The following NFRKB variants were observed in gnomAD, a reference collection of about 807,000 sequenced individuals.
NFRKB encodes the protein nuclear factor related to kappaB binding protein, also known as nuclear factor related to kappa-B-binding protein.
NFRKB carries 62 observed loss-of-function variants against 135.7 expected under a neutral mutation model. That is an observed-to-expected ratio of 0.46 (90% CI 0.37 to 0.56). The LOEUF is 0.56. Ranked by LOEUF, NFRKB falls within the 20% of genes least tolerant of loss-of-function variation. The probability of loss-of-function intolerance (pLI) is 0.00; values close to 1 mark genes in which losing one functional copy is unlikely to be tolerated. For synonymous variants in NFRKB, 678 were observed against 635.6 expected (o/e 1.07, Z -1.00); for missense variants, 1,545 against 1,662.0 (o/e 0.93, Z 1.22).
At chr11:129,870,320 A>G in intron 23 of NFRKB, 59 bp from the exon 24 acceptor site, 3 of 1,529,468 alleles carry the variant, frequency 2.0e-6, no homozygotes, top group Non-Finnish European at 2.6e-6. Context: ...GTTACAAAAT[A>G]CAACTAGACA....
At chr11:129,891,202 GA>G (rs1246774963) in intron 3 of NFRKB, among the ~76,000 whole-genome samples, 2 of 151,730 alleles carry the variant, frequency 1.3e-5, no homozygotes, top group African/African-American at 2.4e-5. Context: ...TGCCATGACT[GA>G]AAAAAGCCAG....
At position 129,878,532 on chromosome 11, in the gene NFRKB, C is replaced by A; in HGVS notation, c.1396G>T (p.Asp466Tyr). The change falls in exon 14 of 27, where the codon GAT becomes TAT. Residue 466 changes from aspartate to tyrosine, a missense_variant. Coordinates refer to ENST00000682444, the MANE Select transcript of NFRKB (RefSeq NM_001143835.2). Reference protein sequence around the residue: ...QQWKLLGQSQDNEKELAALFQ... With the variant: ...QQWKLLGQSQYNEKELAALFQ... The stretch of plus-strand genomic sequence containing the variant: ...AGGGCAGCTAATTCCTTTTCATTAT[C>A]TTGGGATTGGCCTATTAGAGGAATA... The A allele has an allele frequency of 1.9e-6, 3 of 1,613,914 alleles. No individual in the cohort carries two copies. Among genetic ancestry groups the A allele is most frequent in the African/African-American group, 1.3e-5 (1 of 75,020 alleles).
chr11:129,868,021 T>A (rs182884454), intron 24 of NFRKB, among the ~76,000 whole-genome samples: 4,200 of 152,086 alleles, frequency 0.028, 91 homozygotes, highest in Non-Finnish European at 0.041. Flanking sequence ...TTTTTTTTTT[T>A]AAAACTCAAG....
In NFRKB at chr11:129,874,113, C is replaced by T. The variant is rs751027087; in HGVS notation, c.2279G>A (p.Gly760Asp). 2 of 1,551,884 alleles carry T rather than the reference C, an allele frequency of 1.3e-6. No individual in the cohort carries two copies. Among genetic ancestry groups the T allele is most frequent in the African/African-American group, 2.7e-5 (2 of 72,774 alleles). ...TVSEPAKSSS[G>D]VLLVSSPTMP... ...AAGCTGAAGAAAAGGAGGAACTTAC[C>T]CCGAGCTAGACTTAGCTGGTTCTGA... The change falls in exon 21 of 27, where the codon GGT becomes GAT. Residue 760 changes from glycine to aspartate, a missense_variant and splice_region_variant. Coordinates refer to ENST00000682444, the MANE Select transcript of NFRKB (RefSeq NM_001143835.2). This position sits in a 1 kb window ranked among gnomAD's most constrained non-coding sequence, Gnocchi z 4.5.
intron 13 of NFRKB, among the ~76,000 whole-genome samples, chr11:129,878,947 T>G (rs577683680): frequency 1.3e-5 from 2 of 152,320 alleles, no homozygotes; most frequent in South Asian, 4.1e-4. Flanking sequence ...TCTATTTTTG[T>G]AGGTAAGAAA....
intron 8 of NFRKB, 127 bp from the exon 9 acceptor site, chr11:129,883,333 T>G (rs113722728): frequency 8.7e-6 from 6 of 685,972 alleles, no homozygotes; most frequent in African/African-American, 3.6e-5. Context: ...GTCAAAAATA[T>G]AGAGAGATAA....
Position 129,894,800 on chromosome 11 carries a change from T to C in NFRKB, c.-101-362A>G, listed in dbSNP as rs189702665. On this transcript the variant is annotated intron_variant, in intron 1 of 26. Transcript: ENST00000682444. ...ACTTCAAAATAGCACCAAAAAAAAA[T>C]TGCAGAAGCAACCTGATGCTCAGAA... Among the ~76,000 whole-genome samples, 9 of 152,200 alleles carry C rather than the reference T, an allele frequency of 5.9e-5. No individual in the cohort carries two copies. In the East Asian group the frequency reaches 7.7e-4, roughly 13 times the overall value.
At chr11:129,875,304 T>G (rs1955485092) in intron 18 of NFRKB, 53 bp downstream of exon 18, 1 of 1,401,392 alleles carries the variant, frequency 7.1e-7, no homozygotes, top group Admixed American at 2.2e-5. Flanking sequence ...TCCTGATAAG[T>G]TTTCTTAAAT....
chr11:129,874,270 T>A lies in NFRKB; in HGVS notation c.2122A>T (p.Met708Leu). The change falls in exon 21 of 27, where the codon ATG becomes TTG. Residue 708 changes from methionine to leucine, a missense_variant. Physicochemically the swap from Met to Leu is conservative, Grantham distance 15. Around this residue, in one of 3 missense-constraint regions of NFRKB, gnomAD observed 753 missense variants for 804.3 expected, o/e 0.94. Transcript: ENST00000682444. This position sits in a 1 kb window ranked among gnomAD's most constrained non-coding sequence, Gnocchi z 4.5. ...LSSGPSEQSQ[M>L]SLSDSSMPPT... ...GGCATACTGGAGTCACTGAGGCTCA[T>A]CTGGCTCTGCTCAGAAGGGCCACTG... 6.6e-7 allele frequency: 1 copy of A among 1,516,738 alleles called. No individual in the cohort carries two copies. Among genetic ancestry groups the A allele is most frequent in the Non-Finnish European group, 8.8e-7 (1 of 1,134,730 alleles). 94.0% of individuals were successfully genotyped at this position (1,516,738 alleles called of 1,614,324 possible).
rs1949112563 is a variant in NFRKB, at chr11:129,883,181, T to C, written c.842A>G (p.Asp281Gly). 6.2e-7 allele frequency: 1 copy of C among 1,613,906 alleles called. No individual in the cohort carries two copies. Among genetic ancestry groups the C allele is most frequent in the African/African-American group, 1.3e-5 (1 of 74,874 alleles). Residue 281 changes from aspartate to glycine, a missense_variant, in exon 9 of 27, where the codon GAC (aspartate) becomes GGC (glycine). Coordinates refer to ENST00000682444, the MANE Select transcript of NFRKB (RefSeq NM_001143835.2). ...AGTCATGATGTCATTGAGAGTCAGG[T>C]CCCCTGTCAAAAGGTCCGGGTGATC... ...QPDHPDLLTG[D>G]LTLNDIMTRV...
rs141425632 is a variant in NFRKB at position 129,882,278 on chromosome 11, T to G, written c.1083-84A>C. On this transcript the variant is annotated intron_variant, in intron 10 of 26. Coordinates refer to ENST00000682444, the MANE Select transcript of NFRKB (RefSeq NM_001143835.2). ...TTCAGGCGCCCAAGCCTCCTAGCAG[T>G]CATAAAAGAGTTCAAGAAAGGAGCA... The G allele has an allele frequency of 1.4e-4, 188 of 1,378,054 alleles. 1 individual carries two copies. In the African/African-American group the frequency reaches 2.5e-3, roughly 19 times the overall value. 85.4% of individuals were successfully genotyped at this position (1,378,054 alleles called of 1,614,324 possible). A position where few individuals can be genotyped will look rare whatever the true frequency, so the allele number is the denominator to read the frequency against.
intron 13 of NFRKB, 47 bp from the exon 14 acceptor site, chr11:129,878,590 T>G: frequency 6.8e-7 from 1 of 1,470,572 alleles, no homozygotes; most frequent in South Asian, 1.2e-5. Flanking sequence ...TCTAAGGTAT[T>G]ATTGAGAATC....
intron 4 of NFRKB, among the ~76,000 whole-genome samples, 178 bp from the exon 5 acceptor site, chr11:129,886,622 T>C (rs985888506): frequency 1.3e-5 from 2 of 152,200 alleles, no homozygotes; most frequent in African/African-American, 4.8e-5. Context: ...TGAGAAGCAA[T>C]GACAGCTCAT....
Position 129,864,751 on chromosome 11 carries a change from G to C in NFRKB, c.3874C>G (p.Pro1292Ala), listed in dbSNP as rs1420811416. ...STVVVTTAPS[P>A]KQAPEQQ Reference sequence around the variant, plus strand: ...CATTGTTGCTCAGGTGCCTGTTTAGGAGACGGAGCTGTAGTCACAACAACA... The same window carrying C: ...CATTGTTGCTCAGGTGCCTGTTTAGCAGACGGAGCTGTAGTCACAACAACA... Residue 1292 changes from proline to alanine, a missense_variant, in exon 27 of 27, where the codon CCT (proline) becomes GCT (alanine). By Grantham distance (27) the Pro-to-Ala change is conservative. Around this residue, in one of 3 missense-constraint regions of NFRKB, gnomAD observed 753 missense variants for 804.3 expected, o/e 0.94. Coordinates refer to ENST00000682444, the MANE Select transcript of NFRKB (RefSeq NM_001143835.2). 1 of 1,614,246 alleles carries C rather than the reference G, an allele frequency of 6.2e-7. No homozygotes were observed. The highest frequency in any genetic ancestry group is 1.7e-5 in the Admixed American group (1 of 60,030).
At chr11:129,865,620 G>T (rs921429421) in intron 25 of NFRKB, among the ~76,000 whole-genome samples, 1 of 152,144 alleles carries the variant, frequency 6.6e-6, no homozygotes, top group African/African-American at 2.4e-5. Context: ...GTATCACCAC[G>T]CATGTTGCTT....
chr11:129,893,550 T>C (rs1410679841), intron 2 of NFRKB, among the ~76,000 whole-genome samples: 1 of 148,622 alleles, frequency 6.7e-6, no homozygotes, highest in Non-Finnish European at 1.5e-5. Context: ...ACAGAGACCC[T>C]GTCTCAAAAA....
intron 24 of NFRKB, among the ~76,000 whole-genome samples, chr11:129,866,736 A>C (rs889174963): frequency 1.3e-5 from 2 of 152,148 alleles, no homozygotes; most frequent in Non-Finnish European, 2.9e-5. Flanking sequence ...TTAATGCTTG[A>C]CTGGTAATAA....
chr11:129,872,238 G>A (rs1227481173), intron 23 of NFRKB, among the ~76,000 whole-genome samples: 1 of 152,056 alleles, frequency 6.6e-6, no homozygotes, highest in African/African-American at 2.4e-5. Context: ...CGAGTTCCGC[G>A]AGGGCAAGGA....
intron 3 of NFRKB, among the ~76,000 whole-genome samples, chr11:129,890,910 C>T (rs1017143870): frequency 2.0e-5 from 3 of 152,170 alleles, no homozygotes; most frequent in African/African-American, 7.2e-5. Flanking sequence ...TATAATTCTG[C>T]TTTTAAAATA....
Sources: gnomAD v4.1 joint callset for allele counts (sites outside exome capture counted in the v4.1 genomes callset) on GRCh38, gnomAD v4.1.1 for gene constraint, gnomAD v4.1.1 regional missense constraint, Gnocchi (gnomAD v3.1) non-coding constraint, MANE v1.5 for transcripts, NCBI Gene and HGNC (gene_info 2026-07-23, HGNC 2026-07-21) for gene names.